The following AMH variants were observed in gnomAD, a reference collection of about 807,000 sequenced individuals.
AMH encodes anti-Mullerian hormone.
Under a neutral mutation model 33.3 loss-of-function variants are expected in AMH, and 39 were observed. The observed-to-expected ratio is 1.17, with a 90% CI of 0.91 to 1.53. The LOEUF (loss-of-function observed/expected upper bound fraction) is 1.53. Ranked by LOEUF, AMH falls within the 40% of genes most tolerant of loss-of-function variation. The probability of loss-of-function intolerance (pLI) is 0.00; values close to 1 mark genes in which losing one functional copy is unlikely to be tolerated. For missense variants in AMH, 1,019 were observed against 799.8 expected (o/e 1.27, Z -3.30); for synonymous variants, 536 against 403.0 (o/e 1.33, Z -3.95).
Position 2,251,185 on chromosome 19 carries a change from C to T in AMH, c.911C>T (p.Pro304Leu), listed in dbSNP as rs1021157391. The change falls in exon 5 of 5, where the codon CCC (proline) becomes CTC (leucine). Residue 304 changes from proline to leucine, a missense_variant. Physicochemically the swap from Pro to Leu is moderately conservative, Grantham distance 98. Transcript: ENST00000221496. ...CGCCTGGTGCGGGCGCTGCGGGTCC[C>T]CCCGGCCCGGGCCTCCGCGCCGCGC... ...LTRLVRALRV[P>L]PARASAPRLA... is the part of the protein sequence containing the mutation. The T allele has an allele frequency of 5.3e-6, 8 of 1,510,400 alleles. No individual in the cohort carries two copies. The East Asian group carries it at 1.3e-4, about 25-fold the overall frequency. 93.6% of individuals were successfully genotyped at this position (1,510,400 alleles called of 1,614,324 possible).
intron 1 of AMH, 154 bp downstream of exon 1, chr19:2,249,898 A>G: frequency 2.3e-6 from 2 of 880,038 alleles, no homozygotes; most frequent in South Asian, 2.0e-5. Context: ...GTGGCCTGGA[A>G]GGTGGGCACC....
Position 2,251,607 on chromosome 19 carries a change from G to T in AMH, c.1333G>T (p.Gly445Trp). Residue 445 changes from glycine to tryptophan, a missense_variant, in exon 5 of 5, where the codon GGG becomes TGG. Coordinates refer to ENST00000221496, the MANE Select transcript of AMH (RefSeq NM_000479.5). ...RVEWRGRDPR[G>W]PGRAQRSAGA... ...GGAGTGGCGCGGGCGGGATCCGCGC[G>T]GGCCGGGTCGGGCACAGCGCAGCGC... The T allele has an allele frequency of 7.6e-7, 1 of 1,311,046 alleles. No homozygotes were observed. Among genetic ancestry groups the T allele is most frequent in the Non-Finnish European group, 9.7e-7 (1 of 1,034,332 alleles). 81.2% of individuals were successfully genotyped at this position (1,311,046 alleles called of 1,614,324 possible).
chr19:2,249,407 C>A lies in AMH; in HGVS notation c.75C>A (p.Leu25=). 1 of 1,595,302 alleles carries A rather than the reference C, an allele frequency of 6.3e-7. No individual in the cohort carries two copies. ...ALGALLGTEA[L]RAEEPAVGTS... ...GGGCTCTGCTGGGGACTGAGGCCCTCAGAGCAGAGGAGCCAGCTGTGGGCA... is the reference window on the plus strand; with the variant it reads ...GGGCTCTGCTGGGGACTGAGGCCCTAAGAGCAGAGGAGCCAGCTGTGGGCA... The change falls in exon 1 of 5, where the codon CTC becomes CTA. Residue 25 remains leucine (L), a synonymous_variant. Coordinates refer to ENST00000221496, the MANE Select transcript of AMH (RefSeq NM_000479.5).
chr19:2,249,518 C>T lies in AMH; in HGVS notation c.186C>T (p.Asp62=), dbSNP rs1364720190. The part of the protein sequence containing the change: ...EPLCLVALGG[D]SNGSSSPLRV... ...TGTGCCTGGTGGCACTGGGCGGGGA[C>T]AGCAATGGCAGCAGCTCCCCCCTGC... is the stretch of plus-strand genomic sequence containing the variant. Residue 62 remains aspartate (D), a synonymous_variant, in exon 1 of 5, where the codon GAC becomes GAT. Coordinates refer to ENST00000221496, the MANE Select transcript of AMH (RefSeq NM_000479.5). The T allele has an allele frequency of 1.2e-6, 2 of 1,603,154 alleles. No homozygotes were observed. The highest frequency in any genetic ancestry group is 1.7e-6 in the Non-Finnish European group (2 of 1,176,494).
chr19:2,251,829 G>A lies in AMH; in HGVS notation c.1555G>A (p.Ala519Thr). 1.3e-6 allele frequency: 2 copies of A among 1,599,288 alleles called. No homozygotes were observed. The highest frequency in any genetic ancestry group is 1.7e-6 in the Non-Finnish European group (2 of 1,177,404). The change falls in exon 5 of 5, where the codon GCC becomes ACC. Residue 519 changes from alanine to threonine, a missense_variant. Coordinates refer to ENST00000221496, the MANE Select transcript of AMH (RefSeq NM_000479.5). ...GCTGAAGATGCAGGTCCGTGGGGCC[G>A]CCCTGGCGCGCCCACCCTGCTGCGT... ...LLLKMQVRGA[A>T]LARPPCCVPT...
At position 2,250,958 on chromosome 19, in the gene AMH, G is replaced by C. The variant is rs1384107668; in HGVS notation, c.774G>C (p.Ala258=). The change falls in exon 4 of 5, where the codon GCG becomes GCC. Residue 258 remains alanine (A), a synonymous_variant. Coordinates refer to ENST00000221496, the MANE Select transcript of AMH (RefSeq NM_000479.5). ...ALLLLPRSEP[A]PLPAHGQLDT... ...TCCTGCTGCCGCGGTCCGAGCCCGC[G>C]CCGCTGCCTGCGCACGGCCAGCTGG... 6.6e-7 allele frequency: 1 copy of C among 1,524,990 alleles called. No homozygotes were observed. Among genetic ancestry groups the C allele is most frequent in the African/African-American group, 1.4e-5 (1 of 70,814 alleles). The allele number at this position is 1,524,990 out of a possible 1,614,324, so 94.5% of individuals were successfully genotyped here.
Position 2,249,494 on chromosome 19 carries a change from G to C in AMH, c.162G>C (p.Leu54=), listed in dbSNP as rs745784090. The change falls in exon 1 of 5, where the codon CTG becomes CTC. Residue 54 remains leucine (L), a synonymous_variant. Coordinates refer to ENST00000221496, the MANE Select transcript of AMH (RefSeq NM_000479.5). ...DWPPGSPQEP[L]CLVALGGDSN... is the part of the protein sequence containing the mutation. ...CTCCAGGCAGCCCACAAGAGCCTCT[G>C]TGCCTGGTGGCACTGGGCGGGGACA... The C allele has an allele frequency of 3.7e-6, 6 of 1,607,084 alleles. No individual in the cohort carries two copies. The highest frequency in any genetic ancestry group is 3.4e-6 in the Non-Finnish European group (4 of 1,177,886).
chr19:2,250,250 T>G, intron 1 of AMH, 87 bp from the exon 2 acceptor site: 1 of 1,534,534 alleles, frequency 6.5e-7, no homozygotes, highest in Non-Finnish European at 8.7e-7. Flanking sequence ...CCCTGCACAG[T>G]GGCCAGAGCG....
At position 2,251,188 on chromosome 19, in the gene AMH, C is replaced by G; in HGVS notation, c.914C>G (p.Pro305Arg). 2 of 1,507,884 alleles carry G rather than the reference C, an allele frequency of 1.3e-6. No homozygotes were observed. The highest frequency in any genetic ancestry group is 2.1e-5 in the Admixed American group (1 of 48,384). The allele number at this position is 1,507,884 out of a possible 1,614,324, so 93.4% of individuals were successfully genotyped here. Residue 305 changes from proline (P) to arginine (R), a missense_variant, in exon 5 of 5, where the codon CCG becomes CGG. By Grantham distance (103) the Pro-to-Arg change is moderately radical. Transcript: ENST00000221496. Reference sequence around the variant, plus strand: ...CTGGTGCGGGCGCTGCGGGTCCCCCCGGCCCGGGCCTCCGCGCCGCGCCTG... The same window carrying G: ...CTGGTGCGGGCGCTGCGGGTCCCCCGGGCCCGGGCCTCCGCGCCGCGCCTG... ...TRLVRALRVP[P>R]ARASAPRLAL...
In AMH at chr19:2,251,879, G is replaced by C; in HGVS notation, c.1605G>C (p.Leu535=). 1.3e-6 allele frequency: 2 copies of C among 1,584,486 alleles called. No homozygotes were observed. Among genetic ancestry groups the C allele is most frequent in the Non-Finnish European group, 1.7e-6 (2 of 1,172,330 alleles). Residue 535 remains leucine (L), a synonymous_variant, in exon 5 of 5, where the codon CTG becomes CTC. Transcript: ENST00000221496. ...TGCCCACCGCCTACGCGGGCAAGCT[G>C]CTCATCAGCCTGTCGGAGGAGCGCA... is the stretch of plus-strand genomic sequence containing the variant. The part of the protein sequence containing the change: ...CCVPTAYAGK[L]LISLSEERIS...
chr19:2,251,030 C>A, intron 4 of AMH, 22 bp downstream of exon 4: 2 of 1,519,136 alleles, frequency 1.3e-6, no homozygotes, highest in Non-Finnish European at 8.8e-7. Flanking sequence ...CACCGGGACA[C>A]GGGGCAGGAG....
Position 2,250,902 on chromosome 19 carries a change from C to G in AMH, c.718C>G (p.Arg240Gly), listed in dbSNP as rs915766045. The G allele has an allele frequency of 6.4e-7, 1 of 1,572,140 alleles. No homozygotes were observed. The highest frequency in any genetic ancestry group is 8.6e-7 in the Non-Finnish European group (1 of 1,167,646). ...GGCACTGCTGTTCGGCGACGACCAC[C>G]GCTGCTTCACACGGATGACCCCGGC... ...LQALLFGDDH[R>G]CFTRMTPALL... The change falls in exon 4 of 5, where the codon CGC becomes GGC. Residue 240 changes from arginine to glycine, a missense_variant. By Grantham distance (125) the Arg-to-Gly change is moderately radical (BLOSUM62 -2). Transcript: ENST00000221496.
chr19:2,251,069 G>A lies in AMH; in HGVS notation c.825-30G>A, dbSNP rs766314318. The stretch of plus-strand genomic sequence containing the variant: ...GCGGGGGCGGCGTGGCCTCGTGGCC[G>A]CTCTCAACTCCTCCAATTGCGGGTT... On this transcript the variant is annotated intron_variant, in intron 4 of 4. Transcript: ENST00000221496. The A allele has an allele frequency of 1.7e-5, 26 of 1,533,120 alleles. No individual in the cohort carries two copies. The Admixed American group carries it at 4.3e-4, about 25-fold the overall frequency. The allele number at this position is 1,533,120 out of a possible 1,614,324, so 95.0% of individuals were successfully genotyped here.
intron 2 of AMH, 74 bp downstream of exon 2, chr19:2,250,553 T>C (rs558873107): frequency 6.8e-5 from 104 of 1,539,300 alleles, no homozygotes; most frequent in Middle Eastern, 4.5e-4. Context: ...TCTGCAGTAC[T>C]GAGAACAGCG....
chr19:2,250,353 A>T lies in AMH; in HGVS notation c.429A>T (p.Thr143=). Residue 143 remains threonine, a synonymous_variant, in exon 2 of 5, where the codon ACA becomes ACT. Coordinates refer to ENST00000221496, the MANE Select transcript of AMH (RefSeq NM_000479.5). ...LHLEEVTWEP[T]PSLRFQEPPP... ...CGGCTGCAGTGACCTGGGAGCCAAC[A>T]CCCTCGCTGAGGTTCCAGGAGCCCC... 1 of 1,596,704 alleles carries T rather than the reference A, an allele frequency of 6.3e-7. No individual in the cohort carries two copies.
Position 2,251,591 on chromosome 19 carries a change from C to T in AMH, c.1317C>T (p.Arg439=). 1 of 1,283,186 alleles carries T rather than the reference C, an allele frequency of 7.8e-7. No homozygotes were observed. Among genetic ancestry groups the T allele is most frequent in the Non-Finnish European group, 9.8e-7 (1 of 1,019,378 alleles). The allele number at this position is 1,283,186 out of a possible 1,614,324, so 79.5% of individuals were successfully genotyped here. A position where few individuals can be genotyped will look rare whatever the true frequency, so the allele number is the denominator to read the frequency against. ...KALQGLRVEW[R]GRDPRGPGRA... ...TGCAGGGCCTGCGCGTGGAGTGGCGCGGGCGGGATCCGCGCGGGCCGGGTC... is the reference window on the plus strand; with the variant it reads ...TGCAGGGCCTGCGCGTGGAGTGGCGTGGGCGGGATCCGCGCGGGCCGGGTC... The change falls in exon 5 of 5, where the codon CGC becomes CGT. Residue 439 remains arginine (R), a synonymous_variant. Coordinates refer to ENST00000221496, the MANE Select transcript of AMH (RefSeq NM_000479.5).
Position 2,251,087 on chromosome 19 carries a change from T to A in AMH, c.825-12T>A, listed in dbSNP as rs749401185. 3 of 1,539,702 alleles carry A rather than the reference T, an allele frequency of 1.9e-6. No individual in the cohort carries two copies. The highest frequency in any genetic ancestry group is 1.7e-6 in the Non-Finnish European group (2 of 1,150,160). Reference sequence around the variant, plus strand: ...CGTGGCCGCTCTCAACTCCTCCAATTGCGGGTTCCAGGCCATCCGCGGAAC... The same window carrying A: ...CGTGGCCGCTCTCAACTCCTCCAATAGCGGGTTCCAGGCCATCCGCGGAAC... On this transcript the variant is annotated splice_polypyrimidine_tract_variant and intron_variant, in intron 4 of 4. Coordinates refer to ENST00000221496, the MANE Select transcript of AMH (RefSeq NM_000479.5).
Position 2,251,108 on chromosome 19 carries a change from G to A in AMH, c.834G>A (p.Ala278=), listed in dbSNP as rs201779218. 1.3e-3 allele frequency: 1,953 copies of A among 1,542,426 alleles called. 18 individuals carry two copies. The African/African-American group carries it at 0.023, about 18-fold the overall frequency. The change falls in exon 5 of 5, where the codon GCG becomes GCA. Residue 278 remains alanine (A), a synonymous_variant. Transcript: ENST00000221496. ...CAATTGCGGGTTCCAGGCCATCCGCGGAACTCGAGGAGTCGCCACCCAGCG... is the reference window on the plus strand; with the variant it reads ...CAATTGCGGGTTCCAGGCCATCCGCAGAACTCGAGGAGTCGCCACCCAGCG... ...TVPFPPPRPS[A]ELEESPPSAD... is the part of the protein sequence containing the mutation.
Position 2,249,754 on chromosome 19 carries a change from GC to G in AMH, c.412+13del. On this transcript the variant is annotated intron_variant, in intron 1 of 4. Transcript: ENST00000221496. Reference sequence around the variant, plus strand: ...CTACACCTGGAGGAAGGTATGTGGGGCCCAGCCCCAAGCTTGGCACCGCCGT... The same window carrying G: ...CTACACCTGGAGGAAGGTATGTGGGGCCAGCCCCAAGCTTGGCACCGCCGT... 1.3e-6 allele frequency: 2 copies of G among 1,496,784 alleles called. No homozygotes were observed. Among genetic ancestry groups the G allele is most frequent in the Non-Finnish European group, 8.9e-7 (1 of 1,127,848 alleles). The allele number at this position is 1,496,784 out of a possible 1,614,324, so 92.7% of individuals were successfully genotyped here. A position where few individuals can be genotyped will look rare whatever the true frequency, so the allele number is the denominator to read the frequency against.
Sources: gnomAD v4.1 joint callset for allele counts on GRCh38, gnomAD v4.1.1 for gene constraint, MANE v1.5 for transcripts, NCBI Gene and HGNC (gene_info 2026-07-23, HGNC 2026-07-21) for gene names.